The following LGALS2 variants were observed in gnomAD, a reference collection of about 807,000 sequenced individuals.
LGALS2 encodes the protein galectin 2.
LGALS2 carries 7 observed loss-of-function variants against 10.1 expected under a neutral mutation model. That is an observed-to-expected ratio of 0.70 (90% CI 0.40 to 1.31). The LOEUF (loss-of-function observed/expected upper bound fraction) is 1.31. Ranked by LOEUF, LGALS2 falls within the 50% of genes most tolerant of loss-of-function variation. The pLI is 0.01. For synonymous variants in LGALS2, 86 were observed against 64.2 expected, an observed-to-expected ratio of 1.34 and a Z score of -1.63; for missense variants, 167 against 163.6, an observed-to-expected ratio of 1.02 and a Z score of -0.11.
In LGALS2 at chr22:37,579,932, A is replaced by G. The variant is rs1925800470; in HGVS notation, c.-27T>C. 1.9e-6 allele frequency: 3 copies of G among 1,611,540 alleles called. No individual in the cohort carries two copies. Among genetic ancestry groups the G allele is most frequent in the East Asian group, 4.5e-5 (2 of 44,850 alleles). The stretch of plus-strand genomic sequence containing the variant: ...GTGACAGCTCCTGGCGGCAGCTCCC[A>G]GCGGCTCCTGGAGGCCTGTGCTCAG... On this transcript the variant is annotated 5_prime_UTR_variant, in exon 1 of 4. Coordinates refer to ENST00000215886, the MANE Select transcript of LGALS2 (RefSeq NM_006498.3).
intron 1 of LGALS2, among the ~76,000 whole-genome samples, chr22:37,575,922 G>A (rs1925660197): frequency 6.6e-6 from 1 of 152,204 alleles, no homozygotes; most frequent in Non-Finnish European, 1.5e-5. Context: ...TCTGTCTCTT[G>A]TGTTGTAGGA....
At chr22:37,579,263 A>AAAAAAG (rs71195028) in intron 1 of LGALS2, among the ~76,000 whole-genome samples, 32,544 of 113,174 alleles carry the variant, frequency 0.29, 8,363 homozygotes, top group South Asian at 0.45. Context: ...AAAAAAAAAA[A>AAAAAAG]AGAGAAAGAA....
rs1569181174 is a variant in LGALS2 at position 37,570,416 on chromosome 22, T to C, written c.250-4A>G. 6.2e-7 allele frequency: 1 copy of C among 1,612,314 alleles called. No individual in the cohort carries two copies. Among genetic ancestry groups the C allele is most frequent in the Middle Eastern group, 1.8e-4 (1 of 5,674 alleles). Reference sequence around the variant, plus strand: ...CACTCTCAAAGGTCACTGTGAACTGTGGGGAGGGAGGGTGTCAAGGAGGCA... The same window carrying C: ...CACTCTCAAAGGTCACTGTGAACTGCGGGGAGGGAGGGTGTCAAGGAGGCA... On this transcript the variant is annotated splice_region_variant and splice_polypyrimidine_tract_variant and intron_variant, in intron 3 of 3. Coordinates refer to ENST00000215886, the MANE Select transcript of LGALS2 (RefSeq NM_006498.3).
chr22:37,570,508 C>T (rs991953623), intron 3 of LGALS2, 68 bp downstream of exon 3: 1 of 1,608,530 alleles, frequency 6.2e-7, no homozygotes, highest in African/African-American at 1.3e-5. Flanking sequence ...TGTGTCCAGG[C>T]CAGGCTCTCT....
At chr22:37,577,027 C>G (rs976988542) in intron 1 of LGALS2, among the ~76,000 whole-genome samples, 1 of 152,132 alleles carries the variant, frequency 6.6e-6, no homozygotes, top group Non-Finnish European at 1.5e-5. Context: ...ACTCTAGTGC[C>G]GACTCTGCCC....
intron 2 of LGALS2, 73 bp downstream of exon 2, chr22:37,571,776 G>A (rs1601459035): frequency 8.1e-7 from 1 of 1,232,660 alleles, no homozygotes; most frequent in East Asian, 2.3e-5. Flanking sequence ...ACTTCACAGG[G>A]CTGCCCTGCC....
At chr22:37,574,856 T>C (rs1451259581) in intron 1 of LGALS2, among the ~76,000 whole-genome samples, 1 of 150,542 alleles carries the variant, frequency 6.6e-6, no homozygotes. Context: ...ATTGCTCAAC[T>C]CTTCCACAGG....
At chr22:37,579,316 G>A (rs1925781161) in intron 1 of LGALS2, among the ~76,000 whole-genome samples, 1 of 151,594 alleles carries the variant, frequency 6.6e-6, no homozygotes, top group African/African-American at 2.4e-5. Context: ...GAGTGCCTGG[G>A]GTCCCAGCTA....
intron 1 of LGALS2, among the ~76,000 whole-genome samples, chr22:37,574,297 C>T (rs1026675168): frequency 2.6e-5 from 4 of 151,976 alleles, no homozygotes; most frequent in Admixed American, 6.6e-5. Context: ...GGGTGGATCA[C>T]CTGAGGTCAG....
rs145330643 is a variant in LGALS2 at position 37,570,721 on chromosome 22, A to G, written c.104T>C (p.Leu35Pro). 47 of 1,614,144 alleles carry G rather than the reference A, an allele frequency of 2.9e-5. No individual in the cohort carries two copies. In the African/African-American group the frequency reaches 6.3e-4, roughly 22 times the overall value. ...ADGTDGFVIN[L>P]GQGTDKLNLH... Reference sequence around the variant, plus strand: ...GTTCAGCTTGTCTGTCCCCTGGCCCAGATTAATTACAAAGCTGCAGGAGAA... The same window carrying G: ...GTTCAGCTTGTCTGTCCCCTGGCCCGGATTAATTACAAAGCTGCAGGAGAA... Residue 35 changes from leucine (L) to proline (P), a missense_variant, in exon 3 of 4, where the codon CTG (leucine) becomes CCG (proline). Leu to Pro is a moderately conservative substitution (Grantham distance 98). Transcript: ENST00000215886.
rs748282930 is a variant in LGALS2, at chr22:37,570,716, G to C, written c.109C>G (p.Gln37Glu). Residue 37 changes from glutamine (Q) to glutamate (E), a missense_variant, in exon 3 of 4, where the codon CAG becomes GAG. Physicochemically the swap from Gln to Glu is conservative, Grantham distance 29. Coordinates refer to ENST00000215886, the MANE Select transcript of LGALS2 (RefSeq NM_006498.3). ...GTDGFVINLGQGTDKLNLHFN... is the reference protein window; with the variant it reads ...GTDGFVINLGEGTDKLNLHFN... ...TGCAGGTTCAGCTTGTCTGTCCCCT[G>C]GCCCAGATTAATTACAAAGCTGCAG... 4 of 1,614,212 alleles carry C rather than the reference G, an allele frequency of 2.5e-6. No homozygotes were observed. Among genetic ancestry groups the C allele is most frequent in the Non-Finnish European group, 3.4e-6 (4 of 1,180,048 alleles).
chr22:37,574,403 C>T, intron 1 of LGALS2, among the ~76,000 whole-genome samples: 1 of 150,902 alleles, frequency 6.6e-6, no homozygotes, highest in Non-Finnish European at 1.5e-5. Context: ...GTCGTCCCAG[C>T]TACTTGGGAG....
intron 2 of LGALS2, among the ~76,000 whole-genome samples, chr22:37,571,129 G>A (rs912944022): frequency 3.3e-5 from 5 of 152,164 alleles, no homozygotes; most frequent in Admixed American, 2.0e-4. Flanking sequence ...ATCACTACAG[G>A]AGCCTGGGCT....
intron 1 of LGALS2, among the ~76,000 whole-genome samples, chr22:37,572,162 C>A (rs529720984): frequency 6.6e-6 from 1 of 152,220 alleles, no homozygotes; most frequent in Non-Finnish European, 1.5e-5. Context: ...CACCCCAACC[C>A]GAAGAGGCAC....
intron 1 of LGALS2, among the ~76,000 whole-genome samples, chr22:37,575,262 C>A (rs561583979): frequency 6.9e-6 from 1 of 144,580 alleles, no homozygotes; most frequent in East Asian, 2.0e-4. Flanking sequence ...AGTGCAGTAG[C>A]ACGATTATAA....
chr22:37,572,913 A>G (rs906085534), intron 1 of LGALS2, among the ~76,000 whole-genome samples: 3 of 147,870 alleles, frequency 2.0e-5, no homozygotes, highest in Non-Finnish European at 3.0e-5. Context: ...GGAGGTTGCC[A>G]TGAGCTGAGA....
intron 1 of LGALS2, among the ~76,000 whole-genome samples, chr22:37,572,799 T>TAAA (rs368770821): frequency 3.1e-5 from 4 of 129,078 alleles, no homozygotes; most frequent in Non-Finnish European, 6.4e-5. Flanking sequence ...ATAATAATAA[T>TAAA]AAATAAAATA....
intron 1 of LGALS2, among the ~76,000 whole-genome samples, chr22:37,577,669 C>G (rs2284055): frequency 0.46 from 70,359 of 151,784 alleles, 16,674 homozygotes; most frequent in African/African-American, 0.52. Context: ...GTGAGCCACC[C>G]CGCCCAGCCT....
At chr22:37,579,542 C>T (rs1298103813) in intron 1 of LGALS2, among the ~76,000 whole-genome samples, 1 of 152,140 alleles carries the variant, frequency 6.6e-6, no homozygotes, top group African/African-American at 2.4e-5. Context: ...AAGTGATTCT[C>T]CTGCCTCAGC....
Sources: allele counts gnomAD v4.1 joint callset (sites outside exome capture counted in the v4.1 genomes callset), GRCh38; gene constraint gnomAD v4.1.1; transcripts MANE v1.5; gene names NCBI Gene and HGNC (gene_info 2026-07-23, HGNC 2026-07-21).